GNAZ: variants seen among roughly 807,000 people sequenced by gnomAD.
GNAZ encodes guanine nucleotide-binding protein G(z) subunit alpha.
A neutral mutation model predicts 25.4 loss-of-function variants in GNAZ; 3 were observed. The ratio of observed to expected loss-of-function variants is 0.12; its 90% CI spans 0.05 to 0.30. The LOEUF (loss-of-function observed/expected upper bound fraction) is 0.30, where lower values mean the gene tolerates loss of function less well. Among genes scored for constraint, GNAZ ranks in the 10% least tolerant of loss-of-function variants. The pLI is 1.00. For synonymous variants in GNAZ, 211 were observed against 205.7 expected, an observed-to-expected ratio of 1.03 and a Z score of -0.22; for missense variants, 241 against 501.8, an observed-to-expected ratio of 0.48 and a Z score of 4.97.
chr22:23,097,006 T>C (rs965905039), intron 2 of GNAZ, among the ~76,000 whole-genome samples: 1 of 152,236 alleles, frequency 6.6e-6, no homozygotes, highest in East Asian at 1.9e-4. Flanking sequence ...AGCAGGGCAG[T>C]GTGCTGAGGC....
In GNAZ at chr22:23,071,394, A is replaced by G. The variant is rs1025090032; in HGVS notation, c.-450+824A>G. Among the ~76,000 whole-genome samples, 2 of 152,190 alleles carry G rather than the reference A, an allele frequency of 1.3e-5. No individual in the cohort carries two copies. Among genetic ancestry groups the G allele is most frequent in the Non-Finnish European group, 2.9e-5 (2 of 68,036 alleles). ...CAAGAGGATGATGCCAAGCGAGACC[A>G]GCGTTCCGCGTAGTCCGTGTTGGGG... On this transcript the variant is annotated intron_variant, in intron 1 of 2. Coordinates refer to ENST00000615612, the MANE Select transcript of GNAZ (RefSeq NM_002073.4). This position sits in a 1 kb window ranked among gnomAD's most constrained non-coding sequence, Gnocchi z 4.1.
intron 2 of GNAZ, among the ~76,000 whole-genome samples, chr22:23,103,672 T>C (rs903244931): frequency 7.9e-5 from 12 of 152,188 alleles, no homozygotes; most frequent in African/African-American, 2.9e-4. Flanking sequence ...CTGGGGGCCA[T>C]CTGATGTTCT....
At chr22:23,077,880 C>T (rs935659236) in intron 1 of GNAZ, among the ~76,000 whole-genome samples, 1 of 152,224 alleles carries the variant, frequency 6.6e-6, no homozygotes, top group Non-Finnish European at 1.5e-5. Flanking sequence ...CCCTACTCCT[C>T]TTGCACCCCC....
At chr22:23,123,004 G>C in intron 2 of GNAZ, 83 bp from the exon 3 acceptor site, 1 of 897,944 alleles carries the variant, frequency 1.1e-6, no homozygotes, top group Admixed American at 1.9e-5. Flanking sequence ...CCTAGCAAAG[G>C]CTTCCTCTGG....
intron 2 of GNAZ, among the ~76,000 whole-genome samples, chr22:23,098,157 G>A (rs2069178609): frequency 6.6e-6 from 1 of 152,236 alleles, no homozygotes; most frequent in Admixed American, 6.5e-5. Context: ...CCACCTTGCT[G>A]CCTCTCTCTC....
chr22:23,117,588 C>T lies in GNAZ; in HGVS notation c.724-5499C>T, dbSNP rs560474113. Reference sequence around the variant, plus strand: ...GTGAGAGGACGTCCCAGTGCCAAGGCGAATCACAGTGGGTGTGGCGTGGAG... The same window carrying T: ...GTGAGAGGACGTCCCAGTGCCAAGGTGAATCACAGTGGGTGTGGCGTGGAG... On this transcript the variant is annotated intron_variant, in intron 2 of 2. Transcript: ENST00000615612. Among the ~76,000 whole-genome samples the T allele has an allele frequency of 2.0e-5, 3 of 152,366 alleles. 1 individual carries two copies. The highest frequency in any genetic ancestry group is 7.2e-5 in the African/African-American group (3 of 41,580).
At chr22:23,105,502 C>T (rs1319609375) in intron 2 of GNAZ, among the ~76,000 whole-genome samples, 1 of 152,224 alleles carries the variant, frequency 6.6e-6, no homozygotes, top group African/African-American at 2.4e-5. Flanking sequence ...AGGTGTGGGT[C>T]CGAGGCTGCA....
chr22:23,087,815 T>C (rs1350986620), intron 1 of GNAZ, among the ~76,000 whole-genome samples: 7 of 152,214 alleles, frequency 4.6e-5, no homozygotes, highest in South Asian at 4.1e-4. Context: ...GTGGGGCCAG[T>C]TGATCCATCA....
intron 2 of GNAZ, among the ~76,000 whole-genome samples, chr22:23,120,825 A>G (rs1048017179): frequency 1.3e-5 from 2 of 152,154 alleles, no homozygotes; most frequent in Admixed American, 6.5e-5. Flanking sequence ...CTGGCATGAG[A>G]GCTGATGTGG....
chr22:23,112,452 A>G (rs2069682684), intron 2 of GNAZ, among the ~76,000 whole-genome samples: 1 of 152,142 alleles, frequency 6.6e-6, no homozygotes, highest in African/African-American at 2.4e-5. Context: ...GGAGCATGCC[A>G]GGGTGCAGCC....
chr22:23,093,489 A>G (rs981552166), intron 1 of GNAZ, among the ~76,000 whole-genome samples: 3 of 152,188 alleles, frequency 2.0e-5, no homozygotes, highest in Non-Finnish European at 1.5e-5. Context: ...GGCAGCACAC[A>G]AGGTCATGTA....
intron 2 of GNAZ, among the ~76,000 whole-genome samples, chr22:23,102,434 T>G (rs1176325345): frequency 1.3e-5 from 2 of 152,206 alleles, no homozygotes; most frequent in African/African-American, 4.8e-5. Context: ...ACAAGGCCCC[T>G]GTCAAAAGCA....
chr22:23,077,237 C>G (rs999664013), intron 1 of GNAZ, among the ~76,000 whole-genome samples: 2 of 152,184 alleles, frequency 1.3e-5, no homozygotes, highest in African/African-American at 4.8e-5. Flanking sequence ...GACACTGATG[C>G]TAACCCCTTA....
intron 1 of GNAZ, among the ~76,000 whole-genome samples, chr22:23,077,686 T>C (rs2068544369): frequency 1.3e-5 from 2 of 152,112 alleles, no homozygotes; most frequent in African/African-American, 4.8e-5. Flanking sequence ...CCGGTGGTCC[T>C]GTCTGACCTT....
At chr22:23,078,165 C>T (rs955219180) in intron 1 of GNAZ, among the ~76,000 whole-genome samples, 13 of 152,244 alleles carry the variant, frequency 8.5e-5, no homozygotes, top group South Asian at 2.1e-4. Flanking sequence ...CCCCCTCACC[C>T]GCTCAGTTAC....
At chr22:23,101,276 C>G (rs1263369026) in intron 2 of GNAZ, among the ~76,000 whole-genome samples, 1 of 152,162 alleles carries the variant, frequency 6.6e-6, no homozygotes, top group Non-Finnish European at 1.5e-5. Context: ...CAGGGAGGGT[C>G]CTGGCACTGG....
chr22:23,110,229 C>T (rs2069606782), intron 2 of GNAZ, among the ~76,000 whole-genome samples: 1 of 152,092 alleles, frequency 6.6e-6, no homozygotes. Context: ...CCCCTCTGAG[C>T]ACCACTTTCC....
At chr22:23,101,736 C>T (rs1193407852) in intron 2 of GNAZ, among the ~76,000 whole-genome samples, 1 of 152,248 alleles carries the variant, frequency 6.6e-6, no homozygotes, top group Non-Finnish European at 1.5e-5. Flanking sequence ...AGCAGAGCCT[C>T]CTGACCAGAT....
At chr22:23,105,714 C>T (rs1386044430) in intron 2 of GNAZ, among the ~76,000 whole-genome samples, 1 of 152,224 alleles carries the variant, frequency 6.6e-6, no homozygotes, top group Non-Finnish European at 1.5e-5. Flanking sequence ...TTCCAATCTA[C>T]AACACACCTG....
Sources: allele counts gnomAD v4.1 joint callset (sites outside exome capture counted in the v4.1 genomes callset), GRCh38; gene constraint gnomAD v4.1.1; non-coding constraint Gnocchi (gnomAD v3.1); transcripts MANE v1.5; gene names NCBI Gene and HGNC (gene_info 2026-07-23, HGNC 2026-07-21).